NEMP1: variants seen among roughly 807,000 people sequenced by gnomAD.
NEMP1 encodes transmembrane protein 194.
A neutral mutation model predicts 53.7 loss-of-function variants in NEMP1; 29 were observed. The ratio of observed to expected loss-of-function variants is 0.54; its 90% CI spans 0.40 to 0.74. The LOEUF (loss-of-function observed/expected upper bound fraction) is 0.74. NEMP1 is among the 30% of genes least tolerant of loss of function. The probability of loss-of-function intolerance (pLI) is 0.00; values close to 1 mark genes in which losing one functional copy is unlikely to be tolerated. For missense variants in NEMP1, 477 were observed against 528.6 expected (o/e 0.90, Z 0.96); for synonymous variants, 193 against 192.9 (o/e 1.00, Z 0.00).
chr12:57,059,624 A>T lies in NEMP1; in HGVS notation c.*255T>A. On this transcript the variant is annotated 3_prime_UTR_variant, in exon 9 of 9. Transcript: ENST00000300128. ...GTGGCCATCCAATTTCTCTGGAAAC[A>T]TAAAAGTGGGCTGTTAGCTTAACCA... 2.8e-6 allele frequency: 1 copy of T among 353,414 alleles called. No individual in the cohort carries two copies. Among genetic ancestry groups the T allele is most frequent in the Non-Finnish European group, 5.2e-6 (1 of 193,304 alleles). The allele number at this position is 353,414 out of a possible 1,614,324, so 21.9% of individuals were successfully genotyped here.
Position 57,069,293 on chromosome 12 carries a change from T to G in NEMP1, c.486A>C (p.Lys162Asn). ...GTCCAAGAAGGAAAACAAGAAAGAG[T>G]TTGGGATCAAATCCTGAAATAAATA... ...SVIVIRRFDP[K>N]LFLVFLLGLM... is the part of the protein sequence containing the mutation. Residue 162 changes from lysine (K) to asparagine (N), a missense_variant, in exon 4 of 9, where the codon AAA (lysine) becomes AAC (asparagine). Physicochemically the swap from Lys to Asn is moderately conservative, Grantham distance 94. Transcript: ENST00000300128. 1.3e-6 allele frequency: 2 copies of G among 1,543,966 alleles called. No individual in the cohort carries two copies. Among genetic ancestry groups the G allele is most frequent in the Non-Finnish European group, 1.7e-6 (2 of 1,144,788 alleles).
chr12:57,065,481 G>A (rs2032025608), intron 4 of NEMP1, among the ~76,000 whole-genome samples: 1 of 151,026 alleles, frequency 6.6e-6, no homozygotes, highest in Admixed American at 6.6e-5. Context: ...TAGATCTTCT[G>A]AATAACTTGC....
In NEMP1 at chr12:57,070,727, A is replaced by C; in HGVS notation, c.419T>G (p.Leu140Arg). The change falls in exon 3 of 9, where the codon CTC becomes CGC. Residue 140 changes from leucine to arginine, a missense_variant. Physicochemically the swap from Leu to Arg is moderately radical, Grantham distance 102 (BLOSUM62 -2). Transcript: ENST00000300128. ...GTCCTTCTCTATAATCTCAACTTTG[A>C]GGCAGGTTTTTGTGCTGTATAGACC... ...NVGLYSTKTC[L>R]KVEIIEKDTK... The C allele has an allele frequency of 6.4e-7, 1 of 1,571,068 alleles. No individual in the cohort carries two copies. Among genetic ancestry groups the C allele is most frequent in the African/African-American group, 1.4e-5 (1 of 73,516 alleles).
rs1333865341 is a variant in NEMP1, at chr12:57,059,124, G to A, written c.*755C>T. On this transcript the variant is annotated 3_prime_UTR_variant, in exon 9 of 9. Transcript: ENST00000300128. Reference sequence around the variant, plus strand: ...AATTGAAAGTTGAATATAATAAAAAGCCCAGTACATCTCACCTGCAGAAGA... The same window carrying A: ...AATTGAAAGTTGAATATAATAAAAAACCCAGTACATCTCACCTGCAGAAGA... 1 of 152,146 alleles carries A rather than the reference G, an allele frequency of 6.6e-6. No individual in the cohort carries two copies. The highest frequency in any genetic ancestry group is 1.5e-5 in the Non-Finnish European group (1 of 68,030). 9.4% of individuals were successfully genotyped at this position (152,146 alleles called of 1,614,324 possible).
chr12:57,061,135 T>C (rs909554131), intron 7 of NEMP1, among the ~76,000 whole-genome samples, 190 bp from the exon 8 acceptor site: 4 of 152,118 alleles, frequency 2.6e-5, no homozygotes, highest in East Asian at 3.8e-4. Flanking sequence ...TGACAATTCA[T>C]AGGCGACAGA....
chr12:57,080,886 CTT>C (rs1336925698), upstream of NEMP1, among the ~76,000 whole-genome samples: 9 of 140,378 alleles, frequency 6.4e-5, no homozygotes, highest in Non-Finnish European at 1.4e-4. Flanking sequence ...GCGAGCCTCT[CTT>C]GTCTCAAAAA....
upstream of NEMP1, among the ~76,000 whole-genome samples, chr12:57,081,885 C>T (rs150590772): frequency 6.9e-6 from 1 of 145,630 alleles, no homozygotes; most frequent in Non-Finnish European, 1.5e-5. Flanking sequence ...CCAGCCTGGG[C>T]GACAGAGCAA....
intron 2 of NEMP1, among the ~76,000 whole-genome samples, chr12:57,071,912 TACG>T (rs1272645657): frequency 6.6e-6 from 1 of 152,190 alleles, no homozygotes; most frequent in Non-Finnish European, 1.5e-5. Flanking sequence ...TTATAACAAC[TACG>T]ACATTTCTGA....
chr12:57,068,055 GCCA>G lies in NEMP1; in HGVS notation c.545+1176_545+1178del, dbSNP rs2032176074. ...CAAAGTGCTAGGATTACAGGGGTGAGCCACCACAACCAGCCCCCCATTCCAGAT... is the reference window on the plus strand; with the variant it reads ...CAAAGTGCTAGGATTACAGGGGTGAGCCACAACCAGCCCCCCATTCCAGAT... On this transcript the variant is annotated intron_variant, in intron 4 of 8. Transcript: ENST00000300128. Among the ~76,000 whole-genome samples the G allele has an allele frequency of 2.0e-5, 3 of 151,490 alleles. No individual in the cohort carries two copies. The South Asian group carries it at 6.3e-4, about 32-fold the overall frequency.
rs1849915785 is a variant in NEMP1, at chr12:57,059,859, TA to T, written c.*19del. ...GACCAAGGCACCAAGCCAGTCCACGTAAAGATAACTGACCACTACCTAGGTT... is the reference window on the plus strand; with the variant it reads ...GACCAAGGCACCAAGCCAGTCCACGTAAGATAACTGACCACTACCTAGGTT... On this transcript the variant is annotated 3_prime_UTR_variant, in exon 9 of 9. Transcript: ENST00000300128. The T allele has an allele frequency of 6.2e-7, 1 of 1,609,460 alleles. No homozygotes were observed. The highest frequency in any genetic ancestry group is 1.3e-5 in the African/African-American group (1 of 74,736).
upstream of NEMP1, chr12:57,078,869 G>T: frequency 2.7e-6 from 3 of 1,127,342 alleles, no homozygotes; most frequent in Admixed American, 2.4e-5. Flanking sequence ...GCAGGGCTTC[G>T]AGCACCCAGC....
chr12:57,063,001 C>A, intron 7 of NEMP1, 118 bp downstream of exon 7: 1 of 722,710 alleles, frequency 1.4e-6, no homozygotes, highest in Non-Finnish European at 2.3e-6. Flanking sequence ...AGTGGAAGTA[C>A]AATACAATGA....
intron 2 of NEMP1, 35 bp from the exon 3 acceptor site, chr12:57,070,928 GA>G: frequency 6.5e-7 from 1 of 1,536,274 alleles, no homozygotes; most frequent in Non-Finnish European, 8.8e-7. Flanking sequence ...GAGAAAAAAG[GA>G]AGTAGGAATT....
rs1417106599 is a variant in NEMP1 at position 57,056,430 on chromosome 12, G to C, written c.*3449C>G. 1 of 152,168 alleles carries C rather than the reference G, an allele frequency of 6.6e-6. No homozygotes were observed. Among genetic ancestry groups the C allele is most frequent in the African/African-American group, 2.4e-5 (1 of 41,430 alleles). 9.4% of individuals were successfully genotyped at this position (152,168 alleles called of 1,614,324 possible). A position where few individuals can be genotyped will look rare whatever the true frequency, so the allele number is the denominator to read the frequency against. ...GGATATTTCATATGTTTATTAATTG[G>C]TTTCAGTTAATATGTAATATGAAGG... On this transcript the variant is annotated 3_prime_UTR_variant, in exon 9 of 9. Transcript: ENST00000300128.
At position 57,078,675 on chromosome 12, in the gene NEMP1, C is replaced by T. The variant is rs2032745177; in HGVS notation, c.71G>A (p.Gly24Asp). Reference protein sequence around the residue: ...GPGPWGSGVGGGGTVRLLLIL... With the variant: ...GPGPWGSGVGDGGTVRLLLIL... ...CAAGAGTAGCCGCACTGTCCCACCGCCCCCGACTCCCGAGCCCCAGGGCCC... is the reference window on the plus strand; with the variant it reads ...CAAGAGTAGCCGCACTGTCCCACCGTCCCCGACTCCCGAGCCCCAGGGCCC... Residue 24 changes from glycine to aspartate, a missense_variant, in exon 1 of 9, where the codon GGC (glycine) becomes GAC (aspartate). Coordinates refer to ENST00000300128, the MANE Select transcript of NEMP1 (RefSeq NM_001130963.2). The T allele has an allele frequency of 1.2e-6, 2 of 1,613,514 alleles. No individual in the cohort carries two copies. Among genetic ancestry groups the T allele is most frequent in the Non-Finnish European group, 1.7e-6 (2 of 1,179,728 alleles).
chr12:57,063,160 C>T lies in NEMP1; in HGVS notation c.939G>A (p.Lys313=). ...GCCACTGAATAGGGTGTTCCAGGTT[C>T]TTAGTACAAAGAGCAATGATGATAA... is the stretch of plus-strand genomic sequence containing the variant. ...LAIIIIALCT[K]NLEHPIQWLY... The change falls in exon 7 of 9, where the codon AAG becomes AAA. Residue 313 remains lysine, a synonymous_variant. Coordinates refer to ENST00000300128, the MANE Select transcript of NEMP1 (RefSeq NM_001130963.2). 1 of 1,614,112 alleles carries T rather than the reference C, an allele frequency of 6.2e-7. No homozygotes were observed. Among genetic ancestry groups the T allele is most frequent in the Non-Finnish European group, 8.5e-7 (1 of 1,180,016 alleles).
chr12:57,086,489 A>T (rs2032996035), intron 1 of NEMP1, among the ~76,000 whole-genome samples: 1 of 148,988 alleles, frequency 6.7e-6, no homozygotes, highest in Non-Finnish European at 1.5e-5. Context: ...AACAAATGAA[A>T]ATTTTTGTAT....
upstream of NEMP1, among the ~76,000 whole-genome samples, chr12:57,088,419 C>T (rs2033080312): frequency 6.6e-6 from 1 of 152,228 alleles, no homozygotes; most frequent in Non-Finnish European, 1.5e-5. Flanking sequence ...GCCCCACGCT[C>T]TCAGGCCCGC....
At chr12:57,060,429 T>C (rs555912966) in intron 8 of NEMP1, among the ~76,000 whole-genome samples, 4 of 152,294 alleles carry the variant, frequency 2.6e-5, no homozygotes, top group South Asian at 2.1e-4. Context: ...TGATTCCAAA[T>C]TGAAGCTTCA....
Sources: gnomAD v4.1 joint callset for allele counts (sites outside exome capture counted in the v4.1 genomes callset) on GRCh38, gnomAD v4.1.1 for gene constraint, MANE v1.5 for transcripts, NCBI Gene and HGNC (gene_info 2026-07-23, HGNC 2026-07-21) for gene names.